The following SLC13A3 variants were observed in gnomAD, a reference collection of about 807,000 sequenced individuals.
The protein encoded by SLC13A3 is Na(+)/dicarboxylate cotransporter 3.
Under a neutral mutation model 59.0 loss-of-function variants are expected in SLC13A3, and 40 were observed. The observed-to-expected ratio is 0.68, with a 90% CI of 0.53 to 0.88. The LOEUF is 0.88. SLC13A3 is among the 40% of genes least tolerant of loss of function. The pLI, the probability that SLC13A3 is intolerant of heterozygous loss-of-function variation, is 0.00. For synonymous variants in SLC13A3, 317 were observed against 330.3 expected (o/e 0.96, Z 0.44); for missense variants, 699 against 783.2 (o/e 0.89, Z 1.28).
At chr20:46,615,547 G>A (rs986263244) in intron 1 of SLC13A3, among the ~76,000 whole-genome samples, 6 of 152,114 alleles carry the variant, frequency 3.9e-5, no homozygotes, top group African/African-American at 1.2e-4. Flanking sequence ...TTGAATTCTC[G>A]ATCAATTTCC....
At chr20:46,614,043 C>T (rs927643046) in intron 1 of SLC13A3, among the ~76,000 whole-genome samples, 3 of 152,106 alleles carry the variant, frequency 2.0e-5, no homozygotes, top group South Asian at 2.1e-4. Context: ...GAGATAAAGA[C>T]GAGAATGAAA....
intron 8 of SLC13A3, chr20:46,585,299 GTGA>G: frequency 3.0e-6 from 3 of 988,884 alleles, no homozygotes; most frequent in Non-Finnish European, 3.6e-6. Context: ...ACTGCTCATG[GTGA>G]TGATCTCTGG....
intron 4 of SLC13A3, among the ~76,000 whole-genome samples, chr20:46,598,101 A>C (rs1231035463): frequency 6.6e-6 from 1 of 152,230 alleles, no homozygotes; most frequent in Non-Finnish European, 1.5e-5. Context: ...AATTTTTTTA[A>C]ATTAAAGTGG....
intron 10 of SLC13A3, among the ~76,000 whole-genome samples, chr20:46,566,959 T>A (rs1188500060): frequency 6.6e-6 from 1 of 151,984 alleles, no homozygotes; most frequent in Non-Finnish European, 1.5e-5. Flanking sequence ...ATCCCAGCAC[T>A]TTGGGAGGCT....
chr20:46,652,432 A>T (rs1243249206), upstream of SLC13A3, among the ~76,000 whole-genome samples: 6 of 151,952 alleles, frequency 3.9e-5, no homozygotes, highest in East Asian at 1.2e-3. Context: ...TCTGTAACCC[A>T]GGCTGGGCTG....
intron 6 of SLC13A3, 144 bp downstream of exon 6, chr20:46,592,260 C>T (rs1600529373): frequency 1.0e-6 from 1 of 970,760 alleles, no homozygotes; most frequent in Non-Finnish European, 1.5e-6. Context: ...TATATACATA[C>T]CTACATACAT....
At chr20:46,561,163 G>T (rs927259335) in intron 12 of SLC13A3, among the ~76,000 whole-genome samples, 68 of 152,164 alleles carry the variant, frequency 4.5e-4, no homozygotes, top group African/African-American at 1.2e-3. Context: ...GCAACCATTT[G>T]TCTCTTATAT....
At chr20:46,639,667 C>T (rs987687121) in intron 1 of SLC13A3, among the ~76,000 whole-genome samples, 1 of 152,210 alleles carries the variant, frequency 6.6e-6, no homozygotes, top group Non-Finnish European at 1.5e-5. Context: ...TGATGTCCCA[C>T]CTTCCCCATC....
chr20:46,593,031 A>G (rs1330691656), intron 5 of SLC13A3, among the ~76,000 whole-genome samples: 3 of 152,204 alleles, frequency 2.0e-5, no homozygotes, highest in Non-Finnish European at 2.9e-5. Flanking sequence ...TGCCCTCCTT[A>G]TTACATATGC....
intron 1 of SLC13A3, among the ~76,000 whole-genome samples, chr20:46,643,841 T>A (rs1349561092): frequency 6.6e-6 from 1 of 151,956 alleles, no homozygotes; most frequent in Non-Finnish European, 1.5e-5. Flanking sequence ...CCCAGGAGTT[T>A]GAGACCAGTT....
At chr20:46,649,254 T>C (rs938154357) in intron 1 of SLC13A3, among the ~76,000 whole-genome samples, 1 of 152,202 alleles carries the variant, frequency 6.6e-6, no homozygotes, top group African/African-American at 2.4e-5. Flanking sequence ...TATCTCTCCC[T>C]GCTTTCCATT....
chr20:46,637,216 C>T (rs1186538585), intron 1 of SLC13A3, among the ~76,000 whole-genome samples: 2 of 152,210 alleles, frequency 1.3e-5, no homozygotes, highest in Non-Finnish European at 2.9e-5. Flanking sequence ...GAAGGGGAAG[C>T]TGGTCCTGGG....
intron 8 of SLC13A3, chr20:46,585,545 G>A (rs1300960546): frequency 9.7e-7 from 1 of 1,030,928 alleles, no homozygotes; most frequent in Non-Finnish European, 1.2e-6. Flanking sequence ...GCAATAAAAT[G>A]CACCCATTTT....
At chr20:46,657,203 G>T (rs1261075018) in intron 1 of SLC13A3, among the ~76,000 whole-genome samples, 1 of 152,060 alleles carries the variant, frequency 6.6e-6, no homozygotes, top group South Asian at 2.1e-4. Flanking sequence ...GAGCTTGTAA[G>T]ATAGGGCTTC....
At chr20:46,580,466 A>G (rs1391227497) in intron 9 of SLC13A3, among the ~76,000 whole-genome samples, 1 of 148,364 alleles carries the variant, frequency 6.7e-6, no homozygotes, top group Non-Finnish European at 1.5e-5. Flanking sequence ...TATAATATAT[A>G]AAATAGATTA....
upstream of SLC13A3, among the ~76,000 whole-genome samples, chr20:46,656,065 A>G (rs1320616879): frequency 7.0e-6 from 1 of 143,804 alleles, no homozygotes; most frequent in Non-Finnish European, 1.5e-5. Flanking sequence ...ATACTACAGT[A>G]TACTATATAT....
At chr20:46,661,278 G>A (rs1195941629) in intron 1 of SLC13A3, among the ~76,000 whole-genome samples, 6 of 152,104 alleles carry the variant, frequency 3.9e-5, no homozygotes, top group Non-Finnish European at 5.9e-5. Flanking sequence ...CTGTAAAACC[G>A]ATAGAGTATG....
At chr20:46,650,490 C>T (rs1199858649) in intron 1 of SLC13A3, among the ~76,000 whole-genome samples, 2 of 152,174 alleles carry the variant, frequency 1.3e-5, no homozygotes, top group African/African-American at 2.4e-5. Flanking sequence ...GTCCTCATCA[C>T]GTAAGGACCT....
chr20:46,637,249 G>T (rs1705908149), intron 1 of SLC13A3, among the ~76,000 whole-genome samples: 1 of 151,868 alleles, frequency 6.6e-6, no homozygotes, highest in Admixed American at 6.6e-5. Context: ...TGCTGGAAAG[G>T]CCCGGCCTGT....
Sources: allele counts gnomAD v4.1 joint callset (sites outside exome capture counted in the v4.1 genomes callset), GRCh38; gene constraint gnomAD v4.1.1; transcripts MANE v1.5; gene names NCBI Gene and HGNC (gene_info 2026-07-23, HGNC 2026-07-21).